The following HS1BP3 variants were observed in gnomAD, a reference collection of about 807,000 sequenced individuals.
HS1BP3 encodes the protein HCLS1-binding protein 3.
In HS1BP3, 32 loss-of-function variants were observed where a neutral mutation model predicts 33.5. The observed-to-expected ratio is 0.95, with a 90% CI of 0.72 to 1.28. The LOEUF (loss-of-function observed/expected upper bound fraction) is 1.28. Ranked by LOEUF, HS1BP3 falls within the 50% of genes most tolerant of loss-of-function variation. The pLI, the probability that HS1BP3 is intolerant of heterozygous loss-of-function variation, is 0.00. For missense variants in HS1BP3, 486 were observed against 502.3 expected, an observed-to-expected ratio of 0.97 and a Z score of 0.31; for synonymous variants, 187 against 209.2, an observed-to-expected ratio of 0.89 and a Z score of 0.92.
In HS1BP3 at chr2:20,651,090, C is replaced by A; in HGVS notation, c.-27G>T. ...ACGGCGGCGGGGACTCCGGGCGGGG[C>A]GCGCAGTCACGGGACCCGGCAGTGC... is the stretch of plus-strand genomic sequence containing the variant. On this transcript the variant is annotated 5_prime_UTR_variant, in exon 1 of 7. Transcript: ENST00000304031. 1 of 1,228,700 alleles carries A rather than the reference C, an allele frequency of 8.1e-7. No individual in the cohort carries two copies. The highest frequency in any genetic ancestry group is 1.6e-5 in the African/African-American group (1 of 64,396). 76.1% of individuals were successfully genotyped at this position (1,228,700 alleles called of 1,614,324 possible).
chr2:20,590,840 C>T (rs952199457), downstream of HS1BP3: 8 of 167,438 alleles, frequency 4.8e-5, no homozygotes, highest in African/African-American at 1.9e-4. Context: ...AACTGATGCT[C>T]AAAGAGATGG....
intron 5 of HS1BP3, among the ~76,000 whole-genome samples, chr2:20,575,848 T>C (rs1382925597): frequency 6.6e-6 from 1 of 152,032 alleles, no homozygotes; most frequent in Non-Finnish European, 1.5e-5. Context: ...TGTTAGGCCC[T>C]GATACCCACA....
intron 5 of HS1BP3, among the ~76,000 whole-genome samples, chr2:20,561,491 C>T (rs866066891): frequency 2.0e-5 from 3 of 152,178 alleles, no homozygotes; most frequent in Admixed American, 1.3e-4. Flanking sequence ...GGCTGGTCCA[C>T]GATGCCACAA....
At chr2:20,650,796 C>G (rs1695670575) in intron 1 of HS1BP3, among the ~76,000 whole-genome samples, 1 of 152,250 alleles carries the variant, frequency 6.6e-6, no homozygotes, top group Non-Finnish European at 1.5e-5. Flanking sequence ...CCAGGGCTCC[C>G]GCTGTCCTTG....
At chr2:20,596,361 G>A (rs916048502) in intron 3 of HS1BP3, among the ~76,000 whole-genome samples, 1 of 152,178 alleles carries the variant, frequency 6.6e-6, no homozygotes, top group South Asian at 2.1e-4. Context: ...CCCCCAAGGC[G>A]CTGGTATTAG....
chr2:20,568,230 G>T (rs1693182799), intron 5 of HS1BP3, among the ~76,000 whole-genome samples: 1 of 152,190 alleles, frequency 6.6e-6, no homozygotes, highest in Non-Finnish European at 1.5e-5. Flanking sequence ...GGGGTAGGGG[G>T]CTGCAGTCTC....
At chr2:20,649,089 T>A (rs1695606768) in intron 1 of HS1BP3, among the ~76,000 whole-genome samples, 1 of 152,262 alleles carries the variant, frequency 6.6e-6, no homozygotes, top group Non-Finnish European at 1.5e-5. Flanking sequence ...CCACTGCCCA[T>A]GCTCAGCATA....
At chr2:20,566,889 G>A (rs1693142323) in intron 5 of HS1BP3, among the ~76,000 whole-genome samples, 1 of 152,066 alleles carries the variant, frequency 6.6e-6, no homozygotes, top group Admixed American at 6.5e-5. Context: ...TCACAGGCAT[G>A]AGCCACCAAG....
intron 5 of HS1BP3, among the ~76,000 whole-genome samples, chr2:20,578,396 G>A (rs1210408841): frequency 1.3e-5 from 2 of 152,212 alleles, no homozygotes; most frequent in Non-Finnish European, 2.9e-5. Flanking sequence ...GCTGTCCTCT[G>A]AAAAGTTGCT....
chr2:20,614,008 C>T (rs921259949), downstream of HS1BP3, among the ~76,000 whole-genome samples: 1 of 152,078 alleles, frequency 6.6e-6, no homozygotes, highest in African/African-American at 2.4e-5. Context: ...TACAGTGGGC[C>T]GTAATCCAAT....
intron 5 of HS1BP3, among the ~76,000 whole-genome samples, chr2:20,580,527 G>GA (rs148402645): frequency 0.025 from 3,787 of 149,008 alleles, 111 homozygotes; most frequent in African/African-American, 0.08. Flanking sequence ...TCCAAAAAAA[G>GA]AAAAAAAAAG....
chr2:20,640,910 CG>C, intron 3 of HS1BP3, 62 bp downstream of exon 3: 1 of 1,523,484 alleles, frequency 6.6e-7, no homozygotes, highest in Non-Finnish European at 9.1e-7. Flanking sequence ...CACTGGGGCA[CG>C]GCAGCGGGGC....
chr2:20,569,219 CT>C (rs1412039302), intron 5 of HS1BP3, among the ~76,000 whole-genome samples: 1 of 151,994 alleles, frequency 6.6e-6, no homozygotes, highest in East Asian at 1.9e-4. Flanking sequence ...TTTAGCCTGT[CT>C]GTGACTCACT....
chr2:20,592,156 C>A (rs998677537), downstream of HS1BP3, among the ~76,000 whole-genome samples: 2 of 152,128 alleles, frequency 1.3e-5, no homozygotes, highest in Non-Finnish European at 2.9e-5. Context: ...GCTGCTGCAA[C>A]CCCCAGAGGG....
At chr2:20,565,648 G>T (rs1162865328) in intron 5 of HS1BP3, among the ~76,000 whole-genome samples, 2 of 152,234 alleles carry the variant, frequency 1.3e-5, no homozygotes, top group African/African-American at 2.4e-5. Flanking sequence ...CCTGCAACTA[G>T]GGTACGTCTA....
chr2:20,618,920 A>G lies in HS1BP3; in HGVS notation c.*67T>C. 6.5e-7 allele frequency: 1 copy of G among 1,548,210 alleles called. No individual in the cohort carries two copies. Among genetic ancestry groups the G allele is most frequent in the Non-Finnish European group, 8.7e-7 (1 of 1,147,312 alleles). The stretch of plus-strand genomic sequence containing the variant: ...GGGAGGTTCTGACCCTGCAGGGCCC[A>G]GTCCCTTCCCTTCACACCGATGTCC... On this transcript the variant is annotated 3_prime_UTR_variant, in exon 7 of 7. Transcript: ENST00000304031.
At chr2:20,586,073 C>T (rs190078000) in intron 5 of HS1BP3, among the ~76,000 whole-genome samples, 191 of 152,352 alleles carry the variant, frequency 1.3e-3, no homozygotes, top group African/African-American at 4.5e-3. Context: ...GCTACAGGCT[C>T]CGAGGTTCCA....
chr2:20,598,689 G>C (rs1314928965), intron 2 of HS1BP3, among the ~76,000 whole-genome samples: 5 of 149,700 alleles, frequency 3.3e-5, no homozygotes, highest in African/African-American at 1.2e-4. Context: ...CTCCCGAGTA[G>C]CTGGGACTAC....
At chr2:20,555,062 T>A in the HS1BP3 span, among the ~76,000 whole-genome samples, 1 of 152,210 alleles carries the variant, frequency 6.6e-6, no homozygotes. Context: ...GCATTAGTCT[T>A]GGGCCTGCAG....
Sources: allele counts gnomAD v4.1 joint callset (sites outside exome capture counted in the v4.1 genomes callset), GRCh38; gene constraint gnomAD v4.1.1; transcripts MANE v1.5; gene names NCBI Gene and HGNC (gene_info 2026-07-23, HGNC 2026-07-21).